The following SATB2 variants were observed in gnomAD, a reference collection of about 807,000 sequenced individuals.
SATB2 encodes DNA-binding protein SATB2.
SATB2 carries 1 observed loss-of-function variant against 73.4 expected under a neutral mutation model. That is an observed-to-expected ratio of 0.01 (90% CI 0.00 to 0.06). The LOEUF is 0.06. SATB2 is among the 10% of genes least tolerant of loss of function. The pLI is 1.00. For synonymous variants in SATB2, 397 were observed against 367.0 expected (o/e 1.08, Z -0.93); for missense variants, 459 against 945.8 (o/e 0.49, Z 6.75).
intron 10 of SATB2, among the ~76,000 whole-genome samples, chr2:199,303,368 G>A (rs544278022): frequency 4.6e-5 from 7 of 152,300 alleles, no homozygotes; most frequent in South Asian, 2.1e-4. Flanking sequence ...GAAGGAAAAG[G>A]AGGAGGCAGG....
rs1040132424 is a variant in SATB2, at chr2:199,300,919, C to T, written c.1740+7841G>A. 2.6e-5 allele frequency among the ~76,000 whole-genome samples: 4 copies of T among 151,832 alleles called. No homozygotes were observed. The South Asian group carries it at 8.3e-4, about 31-fold the overall frequency. ...AACCCTGAATGTTGAATTTGGAAGGCGGTGTGTTATGGAGGTCCAGTCACT... is the reference window on the plus strand; with the variant it reads ...AACCCTGAATGTTGAATTTGGAAGGTGGTGTGTTATGGAGGTCCAGTCACT... On this transcript the variant is annotated intron_variant, in intron 10 of 10. Coordinates refer to ENST00000417098, the MANE Select transcript of SATB2 (RefSeq NM_001172509.2).
intron 2 of SATB2, among the ~76,000 whole-genome samples, chr2:199,441,718 C>T (rs1691821022): frequency 6.6e-6 from 1 of 152,194 alleles, no homozygotes; most frequent in South Asian, 2.1e-4. Flanking sequence ...TCTGGCCTTC[C>T]ACATCTCTGA....
intron 9 of SATB2, among the ~76,000 whole-genome samples, chr2:199,313,033 T>C (rs1039300790): frequency 2.6e-5 from 4 of 152,050 alleles, no homozygotes; most frequent in East Asian, 1.9e-4. Context: ...TCCCAGAAAA[T>C]AGACATTAGT....
chr2:199,418,242 T>C (rs935165698), intron 3 of SATB2, among the ~76,000 whole-genome samples: 3 of 152,120 alleles, frequency 2.0e-5, no homozygotes, highest in Admixed American at 2.0e-4. Flanking sequence ...AGCTGGGAAG[T>C]GGGGAGCACC....
At chr2:199,333,722 T>C (rs527387254) in intron 7 of SATB2, among the ~76,000 whole-genome samples, 1 of 152,148 alleles carries the variant, frequency 6.6e-6, no homozygotes, top group Non-Finnish European at 1.5e-5. Context: ...CAAAATGAAG[T>C]GATATTAGAT....
chr2:199,372,212 C>A (rs1689470440), intron 5 of SATB2, among the ~76,000 whole-genome samples: 1 of 152,000 alleles, frequency 6.6e-6, no homozygotes, highest in Admixed American at 6.6e-5. Context: ...GTATAGGTGT[C>A]CTTATTTGTA....
intron 4 of SATB2, among the ~76,000 whole-genome samples, chr2:199,381,487 A>G (rs979911321): frequency 2.0e-5 from 3 of 152,192 alleles, no homozygotes; most frequent in Non-Finnish European, 4.4e-5. Context: ...TCTGAAAACA[A>G]AGCATAAAGT....
chr2:199,446,905 T>C (rs539231623), intron 2 of SATB2, among the ~76,000 whole-genome samples: 12 of 152,244 alleles, frequency 7.9e-5, no homozygotes, highest in African/African-American at 2.9e-4. Context: ...TTTTTAAATA[T>C]TAAATCCAAG....
At chr2:199,315,610 C>A (rs562998599) in intron 9 of SATB2, among the ~76,000 whole-genome samples, 62 of 152,206 alleles carry the variant, frequency 4.1e-4, no homozygotes, top group African/African-American at 1.4e-3. Context: ...CTTCTCACAG[C>A]CCCCATGTTT....
At chr2:199,279,654 A>C (rs1692421940) in intron 10 of SATB2, among the ~76,000 whole-genome samples, 1 of 152,176 alleles carries the variant, frequency 6.6e-6, no homozygotes, top group Admixed American at 6.5e-5. Flanking sequence ...CCTCACCCAA[A>C]GCTTCAGGTC....
chr2:199,382,426 G>C (rs6734730), intron 3 of SATB2, among the ~76,000 whole-genome samples: 143,449 of 152,284 alleles, frequency 0.94, 68,178 homozygotes, highest in East Asian at 1. Flanking sequence ...ATGCCCTCAA[G>C]TTCCTTTCTT....
At chr2:199,298,676 G>A (rs1346738898) in intron 10 of SATB2, among the ~76,000 whole-genome samples, 1 of 152,046 alleles carries the variant, frequency 6.6e-6, no homozygotes, top group Non-Finnish European at 1.5e-5. Flanking sequence ...TATTTCAACT[G>A]TTAATTACCT....
At chr2:199,423,312 C>A (rs1691228534) in intron 3 of SATB2, among the ~76,000 whole-genome samples, 1 of 152,016 alleles carries the variant, frequency 6.6e-6, no homozygotes, top group African/African-American at 2.4e-5. Flanking sequence ...ACATCTAACA[C>A]ATAATAGACA....
chr2:199,329,268 G>C (rs1688120350), intron 7 of SATB2: 1 of 285,332 alleles, frequency 3.5e-6, no homozygotes, highest in Non-Finnish European at 6.9e-6. Flanking sequence ...GCTTGAAACT[G>C]GGAACACTTG....
chr2:199,448,375 GCT>G (rs1324500544), intron 2 of SATB2, among the ~76,000 whole-genome samples: 6 of 151,642 alleles, frequency 4.0e-5, no homozygotes, highest in Non-Finnish European at 7.4e-5. Flanking sequence ...AATCAAATTT[GCT>G]CTCTTTGCAA....
At chr2:199,302,960 T>G (rs1193806434) in intron 10 of SATB2, among the ~76,000 whole-genome samples, 1 of 152,130 alleles carries the variant, frequency 6.6e-6, no homozygotes, top group Non-Finnish European at 1.5e-5. Context: ...CACCAATGAT[T>G]TGTGGGTTTC....
Position 199,400,338 on chromosome 2 carries a change from T to G in SATB2, c.347-18518A>C, listed in dbSNP as rs534151816. ...TATTTGGCAAATGAATACCTAGAAT[T>G]TAAAGACTCCAAATTGCCACCAAGT... On this transcript the variant is annotated intron_variant, in intron 3 of 10. Coordinates refer to ENST00000417098, the MANE Select transcript of SATB2 (RefSeq NM_001172509.2). Among the ~76,000 whole-genome samples, 9 of 152,308 alleles carry G rather than the reference T, an allele frequency of 5.9e-5. No individual in the cohort carries two copies. In the South Asian group the frequency reaches 1.7e-3, roughly 28 times the overall value.
chr2:199,435,640 G>A (rs1691632777), intron 2 of SATB2, among the ~76,000 whole-genome samples: 1 of 152,084 alleles, frequency 6.6e-6, no homozygotes, highest in South Asian at 2.1e-4. Flanking sequence ...CACCGTGCCT[G>A]GCCCCAAATT....
chr2:199,327,091 T>C (rs1211003292), intron 8 of SATB2, among the ~76,000 whole-genome samples: 1 of 152,186 alleles, frequency 6.6e-6, no homozygotes, highest in Non-Finnish European at 1.5e-5. Context: ...AGCTATAATA[T>C]CTAAGCAAAA....
Sources: allele counts gnomAD v4.1 joint callset (sites outside exome capture counted in the v4.1 genomes callset), GRCh38; gene constraint gnomAD v4.1.1; transcripts MANE v1.5; gene names NCBI Gene and HGNC (gene_info 2026-07-23, HGNC 2026-07-21).